DMD: variants seen among roughly 807,000 people sequenced by gnomAD.
The protein encoded by DMD is mutant dystrophin.
Under a neutral mutation model 330.1 loss-of-function variants are expected in DMD, and 63 were observed. That is an observed-to-expected ratio of 0.19 (90% CI 0.16 to 0.24). DMD has a LOEUF of 0.24. Among genes scored for constraint, DMD ranks in the 10% least tolerant of loss-of-function variants. DMD has a pLI of 1.00. For synonymous variants in DMD, 1,223 were observed against 959.8 expected, an observed-to-expected ratio of 1.27 and a Z score of -5.07; for missense variants, 3,344 against 2,684.1, an observed-to-expected ratio of 1.25 and a Z score of -5.43.
At chrX:32,549,874 C>T (rs1188711164) in intron 16 of DMD, among the ~76,000 whole-genome samples, 8 of 111,994 alleles carry the variant, frequency 7.1e-5, no homozygotes, top group Non-Finnish European at 1.3e-4. Context: ...AACATAAGTA[C>T]ATCAAAGCAA....
At chrX:32,963,984 G>T (rs966318045) in intron 2 of DMD, among the ~76,000 whole-genome samples, 1 of 111,164 alleles carries the variant, frequency 9.0e-6, no homozygotes, top group Non-Finnish European at 1.9e-5. Flanking sequence ...GTCGGGTGCG[G>T]TGGCTCACGC....
chrX:32,396,813 C>A (rs1384951498), intron 30 of DMD, among the ~76,000 whole-genome samples: 1 of 111,642 alleles, frequency 9.0e-6, no homozygotes, highest in African/African-American at 3.2e-5. Context: ...ATTAATTCCA[C>A]AAAATTTACA....
intron 22 of DMD, among the ~76,000 whole-genome samples, chrX:32,470,926 G>T (rs1322786334): frequency 9.0e-6 from 1 of 111,430 alleles, no homozygotes; most frequent in Non-Finnish European, 1.9e-5. Flanking sequence ...TAACTAATAC[G>T]TTTTCATGTC....
intron 60 of DMD, among the ~76,000 whole-genome samples, chrX:31,373,111 A>G (rs1389310204): frequency 2.9e-4 from 31 of 107,413 alleles, no homozygotes; most frequent in Non-Finnish European, 1.9e-5. Context: ...CCAACTTACA[A>G]GGGATGTGAA....
At chrX:32,922,850 T>C (rs2088575225) in intron 2 of DMD, among the ~76,000 whole-genome samples, 1 of 112,338 alleles carries the variant, frequency 8.9e-6, no homozygotes, top group African/African-American at 3.2e-5. Context: ...GTCAGTAAAA[T>C]GGTTGTAGTA....
At chrX:32,777,277 T>TGGGGGGGGGGGGGGGGGGGGGGGGG (rs546914107) in intron 7 of DMD, among the ~76,000 whole-genome samples, 1 of 2,113 alleles carries the variant, frequency 4.7e-4, no homozygotes, top group Non-Finnish European at 7.0e-4. Context: ...GGTTTCTGGT[T>TGGGGGGGGGGGGGGGGGGGGGGGGG]GGGGGGGGAA....
intron 1 of DMD, among the ~76,000 whole-genome samples, chrX:33,302,042 T>G (rs947491528): frequency 1.8e-5 from 2 of 111,964 alleles, no homozygotes; most frequent in Non-Finnish European, 3.8e-5. Flanking sequence ...ATTGGCTATA[T>G]ATTTTTATAA....
chrX:31,832,916 C>T, intron 49 of DMD, among the ~76,000 whole-genome samples: 1 of 111,329 alleles, frequency 9.0e-6, no homozygotes, highest in Non-Finnish European at 1.9e-5. Flanking sequence ...GAAAATGGCA[C>T]CTAAATGCTT....
intron 62 of DMD, among the ~76,000 whole-genome samples, chrX:31,305,179 T>G (rs2054934067): frequency 8.9e-6 from 1 of 111,994 alleles, no homozygotes; most frequent in Non-Finnish European, 1.9e-5. Context: ...GATGTGATGT[T>G]TTGATCTTGG....
chrX:32,133,582 G>A (rs1285058462), intron 44 of DMD, among the ~76,000 whole-genome samples: 2 of 110,375 alleles, frequency 1.8e-5, no homozygotes, highest in African/African-American at 6.6e-5. Context: ...CTCCCTAATC[G>A]CCCCATTCTA....
intron 45 of DMD, among the ~76,000 whole-genome samples, chrX:31,953,274 G>T (rs1341096892): frequency 8.9e-6 from 1 of 111,982 alleles, no homozygotes; most frequent in Admixed American, 9.5e-5. Flanking sequence ...TTGCTATTCT[G>T]CCTTTTTGTT....
rs73459853 is a variant in DMD at position 31,735,438 on chromosome X, G to A, written c.7543-5690C>T. Among the ~76,000 whole-genome samples the A allele has an allele frequency of 2.1e-3, 237 of 111,656 alleles. 1 individual carries two copies. Among genetic ancestry groups the A allele is most frequent in the African/African-American group, 7.2e-3 (221 of 30,731 alleles). ...CATCAGCTCTTCAGTTCCATGTAAC[G>A]TGATGGTTCCATGACACTACTACCT... is the stretch of plus-strand genomic sequence containing the variant. On this transcript the variant is annotated intron_variant, in intron 51 of 78. Transcript: ENST00000357033.
chrX:32,196,529 C>T (rs186546978), intron 44 of DMD, among the ~76,000 whole-genome samples: 6 of 112,252 alleles, frequency 5.3e-5, no homozygotes, highest in South Asian at 3.7e-4. Context: ...CTTCAGGCTT[C>T]GCAATCATTA....
intron 2 of DMD, among the ~76,000 whole-genome samples, chrX:33,015,580 G>C (rs1020611300): frequency 1.8e-5 from 2 of 109,727 alleles, no homozygotes; most frequent in Admixed American, 9.8e-5. Flanking sequence ...CTAATATCTG[G>C]GTGATGAAAT....
chrX:32,206,432 A>G (rs1299008803), intron 44 of DMD: 6 of 514,170 alleles, frequency 1.2e-5, no homozygotes, highest in African/African-American at 4.7e-5. Context: ...AAAAAGCGCC[A>G]GTGAAGAAAT....
upstream of DMD, among the ~76,000 whole-genome samples, chrX:33,213,367 C>T (rs941890885): frequency 4.5e-5 from 5 of 111,735 alleles, no homozygotes; most frequent in Non-Finnish European, 9.4e-5. Flanking sequence ...GTGTGGAATG[C>T]ATATACTTCC....
chrX:31,506,662 G>C (rs901771754), intron 56 of DMD, among the ~76,000 whole-genome samples: 5 of 112,058 alleles, frequency 4.5e-5, no homozygotes, highest in Admixed American at 3.8e-4. Context: ...TCCAAAGAAA[G>C]CTGGCACATA....
chrX:32,621,678 G>C (rs770172967), intron 11 of DMD, among the ~76,000 whole-genome samples: 1 of 110,023 alleles, frequency 9.1e-6, no homozygotes, highest in Non-Finnish European at 1.9e-5. Flanking sequence ...GGGATTTTTG[G>C]GGTAGGGACC....
intron 47 of DMD, among the ~76,000 whole-genome samples, chrX:31,916,578 C>T (rs894893405): frequency 4.5e-5 from 5 of 111,640 alleles, no homozygotes; most frequent in African/African-American, 1.6e-4. Flanking sequence ...ATTAGAAGAC[C>T]TAATAATAGC....
Sources: allele counts gnomAD v4.1 joint callset (sites outside exome capture counted in the v4.1 genomes callset), GRCh38; gene constraint gnomAD v4.1.1; transcripts MANE v1.5; gene names NCBI Gene and HGNC (gene_info 2026-07-23, HGNC 2026-07-21).